The following TTLL6 variants were observed in gnomAD, a reference collection of about 807,000 sequenced individuals.
TTLL6 encodes tubulin polyglutamylase TTLL6.
Under a neutral mutation model 96.4 loss-of-function variants are expected in TTLL6, and 75 were observed. The observed-to-expected ratio is 0.78, with a 90% confidence interval of 0.65 to 0.94. The LOEUF (loss-of-function observed/expected upper bound fraction) is 0.94, where lower values mean the gene tolerates loss of function less well. Ranked by LOEUF, TTLL6 falls within the 40% of genes least tolerant of loss-of-function variation. The pLI, the probability that TTLL6 is intolerant of heterozygous loss-of-function variation, is 0.00. For synonymous variants in TTLL6, 411 were observed against 419.4 expected (o/e 0.98, Z 0.24); for missense variants, 1,030 against 1,093.0 (o/e 0.94, Z 0.81).
chr17:48,811,614 C>A (rs1251169651), intron 1 of TTLL6, among the ~76,000 whole-genome samples: 2 of 152,034 alleles, frequency 1.3e-5, no homozygotes, highest in African/African-American at 2.4e-5. Flanking sequence ...TGAATTTATA[C>A]CAGTTCTGCT....
At chr17:48,809,626 A>G (rs1291738757) in intron 1 of TTLL6, among the ~76,000 whole-genome samples, 1 of 152,070 alleles carries the variant, frequency 6.6e-6, no homozygotes, top group Non-Finnish European at 1.5e-5. Context: ...TGGGAGGCCA[A>G]GGTGAGAGGA....
rs762249687 is a variant in TTLL6, at chr17:48,791,505, G to A, written c.1097C>T (p.Ser366Leu). ...IEDVIIKTLI[S>L]AHPIIRHNYH... ...GTTATGCCTGATGATGGGGTGGGCC[G>A]AGATGAGGGTCTTGATGATGACGTC... The change falls in exon 9 of 16, where the codon TCG becomes TTG. Residue 366 changes from serine to leucine, a missense_variant. Ser to Leu is a moderately radical substitution (Grantham distance 145, BLOSUM62 -2). Transcript: ENST00000393382. The A allele has an allele frequency of 7.4e-6, 12 of 1,614,074 alleles. No individual in the cohort carries two copies. The highest frequency in any genetic ancestry group is 2.2e-5 in the South Asian group (2 of 91,078).
Position 48,776,241 on chromosome 17 carries a change from C to T in TTLL6, c.2041-6144G>A, listed in dbSNP as rs142017497. On this transcript the variant is annotated intron_variant, in intron 13 of 15. Transcript: ENST00000393382. ...TAGCACTTTGGGAGGCCAAGGTGGG[C>T]GGATCACGAGGTCAGGAGATCGAGA... 8.0e-4 allele frequency among the ~76,000 whole-genome samples: 122 copies of T among 152,110 alleles called. 2 individuals are homozygous for T. The East Asian group carries it at 0.015, about 19-fold the overall frequency.
At chr17:48,786,367 G>C (rs531451284) in intron 11 of TTLL6, 32 bp from the exon 12 acceptor site, 1 of 1,613,644 alleles carries the variant, frequency 6.2e-7, no homozygotes, top group African/African-American at 1.3e-5. Context: ...ACATCATGGG[G>C]GTTAGAAATG....
At chr17:48,774,014 G>A (rs564750082) in intron 13 of TTLL6, among the ~76,000 whole-genome samples, 2 of 145,828 alleles carry the variant, frequency 1.4e-5, no homozygotes, top group East Asian at 2.1e-4. Context: ...CCTGGGAAGC[G>A]GAGGTTGCAG....
chr17:48,781,628 G>A (rs2038987189), intron 13 of TTLL6, among the ~76,000 whole-genome samples: 1 of 152,034 alleles, frequency 6.6e-6, no homozygotes, highest in African/African-American at 2.4e-5. Context: ...CAAGTCCTTT[G>A]TCTATTTTTA....
At chr17:48,794,186 G>A in intron 8 of TTLL6, 1 of 1,614,022 alleles carries the variant, frequency 6.2e-7, no homozygotes, top group Non-Finnish European at 8.5e-7. Context: ...AACAACACTT[G>A]AAGCCTTGCA....
At chr17:48,781,171 C>T (rs928071200) in intron 13 of TTLL6, among the ~76,000 whole-genome samples, 1 of 151,950 alleles carries the variant, frequency 6.6e-6, no homozygotes, top group Non-Finnish European at 1.5e-5. Context: ...CTCAGCCTCC[C>T]GAGGAGCTGG....
At chr17:48,772,729 CAA>C (rs34457188) in intron 13 of TTLL6, among the ~76,000 whole-genome samples, 13 of 62,662 alleles carry the variant, frequency 2.1e-4, no homozygotes, top group East Asian at 5.2e-4. Flanking sequence ...GACTCCGTCT[CAA>C]AAAAAAAAAA....
At chr17:48,773,498 G>A (rs2038793258) in intron 13 of TTLL6, among the ~76,000 whole-genome samples, 1 of 152,154 alleles carries the variant, frequency 6.6e-6, no homozygotes, top group African/African-American at 2.4e-5. Context: ...AAGGCAGGTG[G>A]ATCACTTGAG....
At chr17:48,786,026 C>A in intron 12 of TTLL6, 138 bp downstream of exon 12, 1 of 1,306,328 alleles carries the variant, frequency 7.7e-7, no homozygotes, top group Admixed American at 2.2e-5. Flanking sequence ...CCCCGCACCG[C>A]CCCGTCGTTG....
chr17:48,792,222 C>T (rs2039239921), intron 8 of TTLL6, among the ~76,000 whole-genome samples: 1 of 152,202 alleles, frequency 6.6e-6, no homozygotes, highest in Non-Finnish European at 1.5e-5. Context: ...ACGGAGACAG[C>T]TGGTCACCTG....
In TTLL6 at chr17:48,785,109, G is replaced by T. The variant is rs2039064637; in HGVS notation, c.1854C>A (p.Asn618Lys). ...TGGCCTCCTCCGTGGGAGCCTCCTG[G>T]TTGAGGCTGCTGTCTGTTTCATTTT... ...ERKNETDSSL[N>K]QEAPTEEASS... Residue 618 changes from asparagine (N) to lysine (K), a missense_variant, in exon 13 of 16, where the codon AAC becomes AAA. Coordinates refer to ENST00000393382, the MANE Select transcript of TTLL6 (RefSeq NM_001130918.3). 1 of 1,614,048 alleles carries T rather than the reference G, an allele frequency of 6.2e-7. No homozygotes were observed. Among genetic ancestry groups the T allele is most frequent in the Admixed American group, 1.7e-5 (1 of 59,992 alleles).
intron 9 of TTLL6, 54 bp downstream of exon 9, chr17:48,791,324 G>C (rs532756890): frequency 1.3e-4 from 192 of 1,498,952 alleles, no homozygotes; most frequent in Non-Finnish European, 1.5e-4. Context: ...TCCTTGAAGC[G>C]GGCTGGCCCC....
At position 48,785,204 on chromosome 17, in the gene TTLL6, G is replaced by A. The variant is rs769986153; in HGVS notation, c.1762-3C>T. On this transcript the variant is annotated splice_polypyrimidine_tract_variant and splice_region_variant and intron_variant, in intron 12 of 15. Coordinates refer to ENST00000393382, the MANE Select transcript of TTLL6 (RefSeq NM_001130918.3). ...ACTAATGTCAATGGCTGGATGTACTGAGGGAGGAAGAAACCACAACACACA... is the reference window on the plus strand; with the variant it reads ...ACTAATGTCAATGGCTGGATGTACTAAGGGAGGAAGAAACCACAACACACA... The A allele has an allele frequency of 6.2e-6, 10 of 1,613,958 alleles. No individual in the cohort carries two copies. Among genetic ancestry groups the A allele is most frequent in the Middle Eastern group, 1.6e-4 (1 of 6,076 alleles).
At chr17:48,781,534 G>C (rs927992810) in intron 13 of TTLL6, among the ~76,000 whole-genome samples, 2 of 152,126 alleles carry the variant, frequency 1.3e-5, no homozygotes, top group African/African-American at 4.8e-5. Flanking sequence ...TGGTTTTGAT[G>C]TGCATTTCCC....
chr17:48,763,457 G>C (rs1256398642), intron 15 of TTLL6, among the ~76,000 whole-genome samples: 3 of 152,174 alleles, frequency 2.0e-5, no homozygotes, highest in African/African-American at 2.4e-5. Flanking sequence ...GATTCAGTAA[G>C]ATGCCAGGCA....
At chr17:48,809,492 CG>C (rs2039549784) in intron 1 of TTLL6, among the ~76,000 whole-genome samples, 1 of 152,116 alleles carries the variant, frequency 6.6e-6, no homozygotes, top group African/African-American at 2.4e-5. Flanking sequence ...TCTAGAAGTG[CG>C]GGTTCTCTTT....
chr17:48,781,852 A>C (rs541159667), intron 13 of TTLL6, among the ~76,000 whole-genome samples: 44 of 152,304 alleles, frequency 2.9e-4, no homozygotes, highest in African/African-American at 9.6e-4. Flanking sequence ...AAGAAGCTTC[A>C]GAGAGTTAAC....
Sources: gnomAD v4.1 joint callset for allele counts (sites outside exome capture counted in the v4.1 genomes callset) on GRCh38, gnomAD v4.1.1 for gene constraint, MANE v1.5 for transcripts, NCBI Gene and HGNC (gene_info 2026-07-23, HGNC 2026-07-21) for gene names.